MOB3B: variants seen among roughly 807,000 people sequenced by gnomAD.
MOB3B encodes the protein MOB kinase activator 3B, also known as MOB kinase activator-like 2B.
Under a neutral mutation model 18.7 loss-of-function variants are expected in MOB3B, and 7 were observed. That is an observed-to-expected ratio of 0.37 (90% confidence interval 0.21 to 0.70). The LOEUF (loss-of-function observed/expected upper bound fraction) is 0.70. Among genes scored for constraint, MOB3B ranks in the 30% least tolerant of loss-of-function variants. The pLI, the probability that MOB3B is intolerant of heterozygous loss-of-function variation, is 0.52. For missense variants in MOB3B, 253 were observed against 281.3 expected, an observed-to-expected ratio of 0.90 and a Z score of 0.72; for synonymous variants, 111 against 99.9, an observed-to-expected ratio of 1.11 and a Z score of -0.66.
chr9:27,524,784 T>G (rs767763315), intron 1 of MOB3B: 1 of 1,613,700 alleles, frequency 6.2e-7, no homozygotes, highest in Non-Finnish European at 8.5e-7. Flanking sequence ...GATGAAACCC[T>G]CAGAAGCCAG....
At chr9:27,385,802 C>G (rs949206519) in intron 2 of MOB3B, among the ~76,000 whole-genome samples, 1 of 152,238 alleles carries the variant, frequency 6.6e-6, no homozygotes, top group Admixed American at 6.5e-5. Context: ...AGACCTGGCA[C>G]TTGCTCAAGC....
At position 27,489,805 on chromosome 9, in the gene MOB3B, T is replaced by C. The variant is rs183148985; in HGVS notation, c.-198-34057A>G. Among the ~76,000 whole-genome samples the C allele has an allele frequency of 1.6e-3, 231 of 141,460 alleles. 1 individual carries two copies. The highest frequency in any genetic ancestry group is 5.7e-3 in the African/African-American group (219 of 38,606). 92.8% of individuals were successfully genotyped at this position (141,460 alleles called of 152,430 possible). A position where few individuals can be genotyped will look rare whatever the true frequency, so the allele number is the denominator to read the frequency against. Reference sequence around the variant, plus strand: ...TATCATATGCCAAGTAATGTCCACCTATACAAGAATACACAAACTAACTTC... The same window carrying C: ...TATCATATGCCAAGTAATGTCCACCCATACAAGAATACACAAACTAACTTC... On this transcript the variant is annotated intron_variant, in intron 1 of 3. Coordinates refer to ENST00000262244, the MANE Select transcript of MOB3B (RefSeq NM_024761.5).
intron 1 of MOB3B, among the ~76,000 whole-genome samples, chr9:27,463,775 A>C: frequency 6.6e-6 from 1 of 152,144 alleles, no homozygotes; most frequent in Non-Finnish European, 1.5e-5. Flanking sequence ...AGCCTAGGCA[A>C]CATGGCAAAA....
At chr9:27,383,477 C>G (rs1213341090) in intron 2 of MOB3B, among the ~76,000 whole-genome samples, 2 of 152,152 alleles carry the variant, frequency 1.3e-5, no homozygotes, top group South Asian at 4.1e-4. Context: ...TGATTCTAGA[C>G]AAATAACAGA....
In MOB3B at chr9:27,520,432, G is replaced by A. The variant is rs149093771; in HGVS notation, c.-199+9123C>T. 1.5e-3 allele frequency among the ~76,000 whole-genome samples: 225 copies of A among 152,336 alleles called. 6 individuals are homozygous for A. The East Asian group carries it at 0.033, about 22-fold the overall frequency. On this transcript the variant is annotated intron_variant, in intron 1 of 3. Transcript: ENST00000262244. ...TAGCCTACTGATGACAAACTCAGCA[G>A]TTATGCCAGACGAATTTAGGAGTCA...
At chr9:27,409,380 A>T (rs1822031582) in intron 2 of MOB3B, among the ~76,000 whole-genome samples, 1 of 152,228 alleles carries the variant, frequency 6.6e-6, no homozygotes, top group Non-Finnish European at 1.5e-5. Context: ...AACCATGATG[A>T]GATACCATTT....
intron 3 of MOB3B, among the ~76,000 whole-genome samples, chr9:27,357,314 C>T (rs527845866): frequency 2.7e-5 from 4 of 150,776 alleles, no homozygotes; most frequent in African/African-American, 9.8e-5. Context: ...ATCAAAGGGG[C>T]CTTGTTGATC....
At chr9:27,463,830 C>G (rs1819332252) in intron 1 of MOB3B, among the ~76,000 whole-genome samples, 1 of 151,976 alleles carries the variant, frequency 6.6e-6, no homozygotes, top group African/African-American at 2.4e-5. Context: ...GTGGGACACG[C>G]CTGTAGTCCC....
In MOB3B at chr9:27,330,495, T is replaced by G. The variant is rs1190329141; in HGVS notation, c.*92A>C. ...CACCTCTGCTGTTCCTGGGAGTAGG[T>G]GTGTCATTTCAGCCAGGGTGGTCCA... On this transcript the variant is annotated 3_prime_UTR_variant, in exon 4 of 4. Transcript: ENST00000262244. The G allele has an allele frequency of 1.3e-6, 2 of 1,553,566 alleles. No homozygotes were observed. Among genetic ancestry groups the G allele is most frequent in the Admixed American group, 3.5e-5 (2 of 56,432 alleles).
chr9:27,517,067 TC>T, intron 1 of MOB3B, among the ~76,000 whole-genome samples: 1 of 152,088 alleles, frequency 6.6e-6, no homozygotes, highest in Non-Finnish European at 1.5e-5. Flanking sequence ...CACCCCCGCC[TC>T]CCATTCCAAA....
intron 2 of MOB3B, among the ~76,000 whole-genome samples, chr9:27,388,185 G>A (rs187446422): frequency 3.9e-5 from 6 of 152,262 alleles, no homozygotes; most frequent in Non-Finnish European, 1.5e-5. Context: ...TCCACTTTAG[G>A]TTGCACATAC....
chr9:27,489,102 T>G (rs1263399343), intron 1 of MOB3B, among the ~76,000 whole-genome samples: 1 of 152,272 alleles, frequency 6.6e-6, no homozygotes, highest in African/African-American at 2.4e-5. Flanking sequence ...CTAGCCATTT[T>G]GAGTTTGCTT....
At chr9:27,472,411 C>T (rs987883960) in intron 1 of MOB3B, among the ~76,000 whole-genome samples, 1 of 151,986 alleles carries the variant, frequency 6.6e-6, no homozygotes, top group South Asian at 2.1e-4. Flanking sequence ...ACCCCTGCGG[C>T]GAGGGCTCGC....
At chr9:27,337,315 T>A (rs546157876) in intron 3 of MOB3B, among the ~76,000 whole-genome samples, 4 of 152,372 alleles carry the variant, frequency 2.6e-5, no homozygotes, top group Non-Finnish European at 5.9e-5. Flanking sequence ...ATTGTACCCA[T>A]ATTTCATTAG....
chr9:27,521,910 T>A (rs774349), intron 1 of MOB3B, among the ~76,000 whole-genome samples: 37,039 of 152,028 alleles, frequency 0.24, 4,658 homozygotes, highest in Admixed American at 0.3. Context: ...TTTCCTTTTT[T>A]AATGTATCTT....
intron 2 of MOB3B, among the ~76,000 whole-genome samples, chr9:27,442,137 T>C (rs1822604137): frequency 6.6e-6 from 1 of 152,202 alleles, no homozygotes; most frequent in African/African-American, 2.4e-5. Context: ...TATTACTTTC[T>C]CAATTAATAA....
chr9:27,381,327 G>T (rs1033707472), intron 2 of MOB3B, among the ~76,000 whole-genome samples: 1 of 152,052 alleles, frequency 6.6e-6, no homozygotes, highest in South Asian at 2.1e-4. Context: ...TTGCCTCTCG[G>T]TGTTGCCTCC....
chr9:27,476,998 C>T (rs1001779259), intron 1 of MOB3B, among the ~76,000 whole-genome samples: 7 of 152,142 alleles, frequency 4.6e-5, no homozygotes, highest in African/African-American at 1.7e-4. Context: ...TCCTCCCTCC[C>T]GTCTTCTTCA....
chr9:27,445,024 T>A (rs1235062569), intron 2 of MOB3B, among the ~76,000 whole-genome samples: 2 of 152,224 alleles, frequency 1.3e-5, no homozygotes, highest in African/African-American at 2.4e-5. Flanking sequence ...TCACTGGAAC[T>A]GTGACATGAT....
Sources: allele counts gnomAD v4.1 joint callset (sites outside exome capture counted in the v4.1 genomes callset), GRCh38; gene constraint gnomAD v4.1.1; transcripts MANE v1.5; gene names NCBI Gene and HGNC (gene_info 2026-07-23, HGNC 2026-07-21).